The following CFAP210 variants were observed in gnomAD, a reference collection of about 807,000 sequenced individuals.
CFAP210 encodes cilia and flagella associated protein 210.
the CFAP210 span, chr2:169,662,557 T>A: frequency 8.1e-6 from 7 of 859,580 alleles, no homozygotes; most frequent in Non-Finnish European, 1.2e-5. Context: ...TGTGAATTTC[T>A]TTGGGGGAAA....
chr2:169,681,084 G>A, the CFAP210 span: 23 of 1,613,692 alleles, frequency 1.4e-5, no homozygotes, highest in Admixed American at 5.0e-5. Flanking sequence ...CTTTCTGCAC[G>A]GAGGCATGCT....
the CFAP210 span, chr2:169,662,452 A>G: frequency 2.6e-6 from 4 of 1,559,916 alleles, no homozygotes; most frequent in Non-Finnish European, 3.5e-6. Context: ...GCAAAAACAT[A>G]ATTATAATTG....
the CFAP210 span, chr2:169,649,100 CTGCT>C: frequency 8.1e-7 from 1 of 1,237,912 alleles, no homozygotes; most frequent in Non-Finnish European, 1.1e-6. Context: ...CCTGATGAAA[CTGCT>C]TGGGAGTAGA....
chr2:169,672,811 C>T, the CFAP210 span, among the ~76,000 whole-genome samples: 1 of 152,124 alleles, frequency 6.6e-6, no homozygotes, highest in South Asian at 2.1e-4. Flanking sequence ...GACACCCTCA[C>T]AGACACACCC....
chr2:169,661,187 C>A, the CFAP210 span: 3 of 577,068 alleles, frequency 5.2e-6, no homozygotes, highest in Admixed American at 5.7e-5. Context: ...GCACCCCATG[C>A]CTTCTCTTGC....
At chr2:169,692,492 C>CTG in the CFAP210 span, among the ~76,000 whole-genome samples, 9 of 147,494 alleles carry the variant, frequency 6.1e-5, no homozygotes, top group African/African-American at 2.0e-4. Context: ...CACACAGAGA[C>CTG]AGAGAGAGAG....
At chr2:169,679,127 T>C in the CFAP210 span, among the ~76,000 whole-genome samples, 8 of 152,122 alleles carry the variant, frequency 5.3e-5, no homozygotes, top group South Asian at 1.2e-3. Flanking sequence ...CAATTGATCT[T>C]CATACACAAA....
the CFAP210 span, chr2:169,674,686 T>C: frequency 3.1e-6 from 5 of 1,610,694 alleles, no homozygotes; most frequent in South Asian, 4.4e-5. Flanking sequence ...GTTCCTCCCA[T>C]TTTTTATCTG....
chr2:169,662,318 T>C, the CFAP210 span: 2 of 1,604,548 alleles, frequency 1.2e-6, no homozygotes, highest in South Asian at 1.1e-5. Context: ...TCTTCTCTTT[T>C]CTTTTCTAGT....
chr2:169,693,256 C>T, the CFAP210 span, among the ~76,000 whole-genome samples: 1 of 152,214 alleles, frequency 6.6e-6, no homozygotes, highest in Non-Finnish European at 1.5e-5. Flanking sequence ...CAGGTGGAAG[C>T]TTTTGAGCTA....
chr2:169,662,390 C>G, the CFAP210 span: 2 of 1,602,126 alleles, frequency 1.2e-6, no homozygotes, highest in South Asian at 1.2e-5. Context: ...GCATCTTTTT[C>G]TTCATATTTT....
the CFAP210 span, chr2:169,658,255 G>T: frequency 6.6e-6 from 1 of 152,320 alleles, no homozygotes; most frequent in Non-Finnish European, 1.5e-5. Flanking sequence ...CTACAAAAAA[G>T]TTTGTGTTGG....
chr2:169,674,609 T>C, the CFAP210 span: 1 of 1,609,082 alleles, frequency 6.2e-7, no homozygotes, highest in Non-Finnish European at 8.5e-7. Context: ...AGCCACCCTT[T>C]CTCTGTGTCG....
At chr2:169,656,964 C>A in the CFAP210 span, among the ~76,000 whole-genome samples, 26 of 40,328 alleles carry the variant, frequency 6.4e-4, no homozygotes, top group Non-Finnish European at 7.1e-4. Context: ...GACTCCATCT[C>A]AAAAAAAAAA....
the CFAP210 span, among the ~76,000 whole-genome samples, chr2:169,685,822 T>G: frequency 3.9e-5 from 6 of 152,202 alleles, no homozygotes; most frequent in African/African-American, 1.4e-4. Flanking sequence ...TCAAAATTCA[T>G]TATTTTGCAT....
At chr2:169,663,198 A>G in the CFAP210 span, among the ~76,000 whole-genome samples, 6 of 151,994 alleles carry the variant, frequency 3.9e-5, no homozygotes, top group Non-Finnish European at 7.4e-5. Context: ...CTCCTTGCCC[A>G]TGGAAAACTC....
chr2:169,673,767 A>G, the CFAP210 span, among the ~76,000 whole-genome samples: 2 of 152,098 alleles, frequency 1.3e-5, no homozygotes, highest in Non-Finnish European at 2.9e-5. Context: ...GCATGAGGGA[A>G]ATTTTGGGAG....
At chr2:169,684,880 T>C in the CFAP210 span, among the ~76,000 whole-genome samples, 148 of 152,312 alleles carry the variant, frequency 9.7e-4, 1 homozygote, top group African/African-American at 3.5e-3. Context: ...GGTCTCAAAC[T>C]CCTGGCCTCA....
At chr2:169,676,294 T>C in the CFAP210 span, among the ~76,000 whole-genome samples, 1 of 151,954 alleles carries the variant, frequency 6.6e-6, no homozygotes, top group Admixed American at 6.6e-5. Flanking sequence ...GCTGGTAAGA[T>C]GAATCATCAT....
Sources: allele counts gnomAD v4.1 joint callset (sites outside exome capture counted in the v4.1 genomes callset), GRCh38; gene constraint gnomAD v4.1.1; transcripts MANE v1.5; gene names NCBI Gene and HGNC (gene_info 2026-07-23, HGNC 2026-07-21).